Variants in NCKAP5 observed in about 807,000 individuals in gnomAD.
NCKAP5 encodes the protein nck-associated protein 5.
In NCKAP5, 92 loss-of-function variants were observed where a neutral mutation model predicts 167.0. The observed-to-expected ratio is 0.55, with a 90% CI of 0.47 to 0.66. The LOEUF is 0.66. Among genes scored for constraint, NCKAP5 ranks in the 30% least tolerant of loss-of-function variants. The pLI, the probability that NCKAP5 is intolerant of heterozygous loss-of-function variation, is 0.00. For synonymous variants in NCKAP5, 891 were observed against 877.4 expected (o/e 1.02, Z -0.27); for missense variants, 2,378 against 2,315.0 (o/e 1.03, Z -0.56).
chr2:132,949,019 G>T (rs199581524), intron 8 of NCKAP5, among the ~76,000 whole-genome samples: 4,327 of 146,312 alleles, frequency 0.03, 242 homozygotes, highest in East Asian at 0.16. Flanking sequence ...GAAAAGAAAA[G>T]AAAAGAAAAG....
Position 132,886,588 on chromosome 2 carries a change from G to T in NCKAP5, c.580-7672C>A, listed in dbSNP as rs762216080. ...CTTTAGCGTCCTCTCATATGGAACA[G>T]TTCCTGAGGTGTTGTCTTTCATGAT... On this transcript the variant is annotated intron_variant, in intron 8 of 19. Transcript: ENST00000409261. Among the ~76,000 whole-genome samples, 165 of 152,340 alleles carry T rather than the reference G, an allele frequency of 1.1e-3. 2 individuals are homozygous for T. Among genetic ancestry groups the T allele is most frequent in the Non-Finnish European group, 9.4e-4 (64 of 68,036 alleles).
chr2:133,473,892 A>G (rs1276939042), intron 3 of NCKAP5, among the ~76,000 whole-genome samples: 1 of 152,188 alleles, frequency 6.6e-6, no homozygotes, highest in Non-Finnish European at 1.5e-5. Context: ...AAAAATGCAT[A>G]AAGCAGGAGG....
intron 3 of NCKAP5, among the ~76,000 whole-genome samples, chr2:133,479,106 T>C (rs1386018288): frequency 1.3e-5 from 2 of 152,222 alleles, no homozygotes; most frequent in Admixed American, 6.5e-5. Flanking sequence ...TGGCTCAAGA[T>C]TTTTAACATC....
chr2:133,014,498 G>A (rs886451780), intron 6 of NCKAP5, among the ~76,000 whole-genome samples: 4 of 152,124 alleles, frequency 2.6e-5, no homozygotes, highest in African/African-American at 9.7e-5. Flanking sequence ...ACCTCAACAG[G>A]TGTGTTGTCC....
chr2:133,225,873 C>A (rs1446737534), intron 4 of NCKAP5, among the ~76,000 whole-genome samples: 1 of 145,528 alleles, frequency 6.9e-6, no homozygotes, highest in Non-Finnish European at 1.5e-5. Context: ...ACCTCTGACT[C>A]CCGGGTTCAA....
chr2:133,064,780 A>G (rs1418147721), intron 6 of NCKAP5, among the ~76,000 whole-genome samples: 1 of 152,228 alleles, frequency 6.6e-6, no homozygotes, highest in East Asian at 1.9e-4. Context: ...CGCAATAGAC[A>G]GTTAATTTGC....
chr2:133,133,657 G>A (rs544210193), intron 5 of NCKAP5, among the ~76,000 whole-genome samples: 26 of 152,234 alleles, frequency 1.7e-4, no homozygotes, highest in East Asian at 7.7e-4. Flanking sequence ...TCTGTTATTC[G>A]TTAGCTGCTG....
chr2:132,782,499 C>A lies in NCKAP5; in HGVS notation c.4312G>T (p.Glu1438Ter). Residue 1438 changes from glutamate to a stop codon, truncating the protein, a stop_gained, in exon 14 of 20, where the codon GAA becomes TAA. Transcript: ENST00000409261. LOFTEE classifies it high-confidence loss of function. ...PGRTQHPSTF[E>*]TSSTSKLETS... The stretch of plus-strand genomic sequence containing the variant: ...TCTAGCTTGGATGTACTGCTTGTTT[C>A]AAAAGTGCTTGGATGCTGAGTCCTC... The A allele has an allele frequency of 6.2e-7, 1 of 1,607,946 alleles. No homozygotes were observed. The highest frequency in any genetic ancestry group is 8.5e-7 in the Non-Finnish European group (1 of 1,177,274).
chr2:132,682,072 A>C (rs1353071143), intron 19 of NCKAP5, among the ~76,000 whole-genome samples: 1 of 152,252 alleles, frequency 6.6e-6, no homozygotes, highest in Non-Finnish European at 1.5e-5. Context: ...CAGCCAGGAC[A>C]ATTCAGAATT....
At chr2:132,680,899 T>C (rs1685136227) in intron 19 of NCKAP5, among the ~76,000 whole-genome samples, 1 of 152,204 alleles carries the variant, frequency 6.6e-6, no homozygotes. Context: ...ATTTGAAAAT[T>C]TGGATTTTCT....
rs1683928022 is a variant in NCKAP5 at position 132,790,029 on chromosome 2, C to T, written c.1086G>A (p.Arg362=). The T allele has an allele frequency of 6.2e-7, 1 of 1,611,848 alleles. No homozygotes were observed. The highest frequency in any genetic ancestry group is 1.1e-5 in the South Asian group (1 of 90,644). The change falls in exon 13 of 20, where the codon AGG becomes AGA. Residue 362 remains arginine (R), a synonymous_variant. Transcript: ENST00000409261. Reference sequence around the variant, plus strand: ...CGATGCCACAGTGCCTTACCCTTTTCCTGAGGTTCTTCCCATCGTGCCACG... The same window carrying T: ...CGATGCCACAGTGCCTTACCCTTTTTCTGAGGTTCTTCCCATCGTGCCACG... ...SYTWHDGKNL[R]KRQSSQNWDK... is the part of the protein sequence containing the mutation.
intron 3 of NCKAP5, among the ~76,000 whole-genome samples, chr2:133,440,911 G>A (rs1041943260): frequency 6.6e-6 from 1 of 152,004 alleles, no homozygotes; most frequent in African/African-American, 2.4e-5. Flanking sequence ...TTTAGCTTCA[G>A]TATTATTAAG....
intron 19 of NCKAP5, among the ~76,000 whole-genome samples, chr2:132,698,843 A>G (rs1313686656): frequency 6.6e-6 from 1 of 151,658 alleles, no homozygotes; most frequent in African/African-American, 2.4e-5. Context: ...CAAAAAACAA[A>G]CAAACAAACA....
intron 3 of NCKAP5, among the ~76,000 whole-genome samples, chr2:133,472,570 CG>C (rs1679439661): frequency 6.6e-6 from 1 of 152,064 alleles, no homozygotes; most frequent in East Asian, 1.9e-4. Context: ...CACGTCTCTT[CG>C]GCCCTTAGTA....
At chr2:133,338,874 T>C (rs911983614) in intron 3 of NCKAP5, among the ~76,000 whole-genome samples, 14 of 151,904 alleles carry the variant, frequency 9.2e-5, no homozygotes, top group African/African-American at 3.1e-4. Context: ...ACAAAAATTA[T>C]CTGGGCGTGG....
At chr2:133,599,911 C>G in the NCKAP5 span, among the ~76,000 whole-genome samples, 1 of 152,230 alleles carries the variant, frequency 6.6e-6, no homozygotes, top group Non-Finnish European at 1.5e-5. Context: ...CAATGCCTAG[C>G]AACAACTTTA....
the NCKAP5 span, among the ~76,000 whole-genome samples, chr2:133,650,715 G>A: frequency 8.1e-5 from 12 of 148,698 alleles, no homozygotes; most frequent in Middle Eastern, 3.4e-3. Flanking sequence ...TCTCTGGAGC[G>A]AGAAAAAAAA....
chr2:133,380,955 C>T (rs1172655342), intron 3 of NCKAP5, among the ~76,000 whole-genome samples: 1 of 152,108 alleles, frequency 6.6e-6, no homozygotes, highest in Non-Finnish European at 1.5e-5. Context: ...CAATGTTACC[C>T]ACTGAACAAA....
rs1172185738 is a variant in NCKAP5, at chr2:133,045,455, TCA to T, written c.342-51218_342-51217del. On this transcript the variant is annotated intron_variant, in intron 6 of 19. Transcript: ENST00000409261. ...AACTCTGAGACTGAAAGGAGGAAAATCAGATCAAAGAGAAACATGAAGGTGGC... is the reference window on the plus strand; with the variant it reads ...AACTCTGAGACTGAAAGGAGGAAAATGATCAAAGAGAAACATGAAGGTGGC... 2.0e-5 allele frequency among the ~76,000 whole-genome samples: 3 copies of T among 152,014 alleles called. No individual in the cohort carries two copies. The East Asian group carries it at 5.8e-4, about 29-fold the overall frequency.
Sources: allele counts gnomAD v4.1 joint callset (sites outside exome capture counted in the v4.1 genomes callset), GRCh38; gene constraint gnomAD v4.1.1; transcripts MANE v1.5; gene names NCBI Gene and HGNC (gene_info 2026-07-23, HGNC 2026-07-21).